The following GNPNAT1 variants were observed in gnomAD, a reference collection of about 807,000 sequenced individuals.
GNPNAT1 encodes the protein glucosamine 6-phosphate N-acetyltransferase.
A neutral mutation model predicts 19.8 loss-of-function variants in GNPNAT1; 11 were observed. The observed-to-expected ratio is 0.56, with a 90% CI of 0.35 to 0.92. GNPNAT1 has a LOEUF of 0.92. Ranked by LOEUF, GNPNAT1 falls within the 40% of genes least tolerant of loss-of-function variation. The pLI, the probability that GNPNAT1 is intolerant of heterozygous loss-of-function variation, is 0.01. For synonymous variants in GNPNAT1, 71 were observed against 72.3 expected (o/e 0.98, Z 0.09); for missense variants, 157 against 211.0 (o/e 0.74, Z 1.59).
intron 1 of GNPNAT1, among the ~76,000 whole-genome samples, chr14:52,787,613 A>G (rs1883051872): frequency 6.6e-6 from 1 of 152,116 alleles, no homozygotes. Context: ...CTGGTGTTCA[A>G]ATGTCAACTG....
In GNPNAT1 at chr14:52,775,878, G is replaced by GTA. The variant is rs1239053678; in HGVS notation, c.*2432_*2433insTA. The GTA allele has an allele frequency of 6.6e-6, 1 of 152,196 alleles. No individual in the cohort carries two copies. Among genetic ancestry groups the GTA allele is most frequent in the Non-Finnish European group, 1.5e-5 (1 of 68,202 alleles). The allele number at this position is 152,196 out of a possible 1,614,324, so 9.4% of individuals were successfully genotyped here. ...AGCCTGGGTGATGGAGTGGGACAGT[G>GTA]TCTCTTTAAAAAATGTGGGCCAGGT... On this transcript the variant is annotated 3_prime_UTR_variant, in exon 6 of 6. Coordinates refer to ENST00000216410, the MANE Select transcript of GNPNAT1 (RefSeq NM_198066.4).
At chr14:52,783,004 G>A (rs1170848449) in intron 3 of GNPNAT1, among the ~76,000 whole-genome samples, 2 of 152,014 alleles carry the variant, frequency 1.3e-5, no homozygotes, top group Non-Finnish European at 2.9e-5. Context: ...AGGGGCAGGG[G>A]ACGGGTGGAC....
At chr14:52,779,951 C>A (rs1339779897) in intron 5 of GNPNAT1, among the ~76,000 whole-genome samples, 1 of 151,950 alleles carries the variant, frequency 6.6e-6, no homozygotes, top group Non-Finnish European at 1.5e-5. Context: ...CTTTGGGAGG[C>A]CAAGGCAGGA....
chr14:52,790,504 C>A (rs563548524), intron 1 of GNPNAT1, among the ~76,000 whole-genome samples: 13 of 152,212 alleles, frequency 8.5e-5, no homozygotes, highest in African/African-American at 2.6e-4. Context: ...ATAGTTTGAC[C>A]TTTACAATCT....
chr14:52,780,233 A>G (rs1882860043), intron 5 of GNPNAT1, among the ~76,000 whole-genome samples: 1 of 152,208 alleles, frequency 6.6e-6, no homozygotes, highest in Non-Finnish European at 1.5e-5. Flanking sequence ...CAATAAATCA[A>G]TACCACTTAT....
rs531180943 is a variant in GNPNAT1, at chr14:52,785,984, C to T, written c.-14-1320G>A. Reference sequence around the variant, plus strand: ...CAGGCTGGTCTCAAATTCCTGACCTCGGGTGATTCGCCTGCCTCAGCCTCC... The same window carrying T: ...CAGGCTGGTCTCAAATTCCTGACCTTGGGTGATTCGCCTGCCTCAGCCTCC... On this transcript the variant is annotated intron_variant, in intron 1 of 5. Transcript: ENST00000216410. Among the ~76,000 whole-genome samples the T allele has an allele frequency of 5.7e-4, 84 of 148,324 alleles. 1 individual carries two copies. The highest frequency in any genetic ancestry group is 1.9e-3 in the African/African-American group (76 of 40,698).
intron 3 of GNPNAT1, among the ~76,000 whole-genome samples, chr14:52,782,694 G>A (rs1207500100): frequency 6.9e-6 from 1 of 145,514 alleles, no homozygotes; most frequent in Non-Finnish European, 1.5e-5. Flanking sequence ...GAAATTCAGT[G>A]AATGAAAATA....
At chr14:52,780,826 G>GA in intron 4 of GNPNAT1, 86 bp from the exon 5 acceptor site, 1 of 781,228 alleles carries the variant, frequency 1.3e-6, no homozygotes, top group Non-Finnish European at 2.2e-6. Flanking sequence ...CTGATAATAA[G>GA]TAGTATATTT....
At position 52,779,745 on chromosome 14, in the gene GNPNAT1, A is replaced by AAC. The variant is rs1555361271; in HGVS notation, c.407+933_407+934insGT. ...CTCTTAAAAAAAAAAAAAAAAAAAA[A>AAC]AAAAACATAAATTATATAGACTAGA... is the stretch of plus-strand genomic sequence containing the variant. On this transcript the variant is annotated intron_variant, in intron 5 of 5. Coordinates refer to ENST00000216410, the MANE Select transcript of GNPNAT1 (RefSeq NM_198066.4). Among the ~76,000 whole-genome samples, 3 of 150,940 alleles carry AAC rather than the reference A, an allele frequency of 2.0e-5. 1 individual carries two copies. Among genetic ancestry groups the AAC allele is most frequent in the Non-Finnish European group, 4.4e-5 (3 of 67,710 alleles).
Position 52,778,428 on chromosome 14 carries a change from C to T in GNPNAT1, c.438G>A (p.Lys146=). 6.2e-7 allele frequency: 1 copy of T among 1,608,630 alleles called. No homozygotes were observed. The highest frequency in any genetic ancestry group is 8.5e-7 in the Non-Finnish European group (1 of 1,178,488). ...GGGTAATCTTGTAACAGTTCAGTTT[C>T]TTGCTTAGCAAAGTAAGGGTTGATA... ...LLLSTLTLLS[K]KLNCYKITLE... is the part of the protein sequence containing the mutation. The change falls in exon 6 of 6, where the codon AAG becomes AAA. Residue 146 remains lysine, a synonymous_variant. Coordinates refer to ENST00000216410, the MANE Select transcript of GNPNAT1 (RefSeq NM_198066.4).
chr14:52,781,967 C>A, intron 3 of GNPNAT1, 56 bp from the exon 4 acceptor site: 2 of 1,473,564 alleles, frequency 1.4e-6, no homozygotes, highest in South Asian at 1.3e-5. Flanking sequence ...TTATGGGGAG[C>A]CAGAAAAATA....
rs369221433 is a variant in GNPNAT1 at position 52,775,476 on chromosome 14, T to C, written c.*2835A>G. The C allele has an allele frequency of 6.6e-6, 1 of 152,172 alleles. No individual in the cohort carries two copies. The highest frequency in any genetic ancestry group is 2.4e-5 in the African/African-American group (1 of 41,448). 9.4% of individuals were successfully genotyped at this position (152,172 alleles called of 1,614,324 possible). A position where few individuals can be genotyped will look rare whatever the true frequency, so the allele number is the denominator to read the frequency against. The stretch of plus-strand genomic sequence containing the variant: ...AAACTATGATAAACCATTGATAATA[T>C]ATCCAGATTTCAGAGATGTTACAGT... On this transcript the variant is annotated 3_prime_UTR_variant, in exon 6 of 6. Coordinates refer to ENST00000216410, the MANE Select transcript of GNPNAT1 (RefSeq NM_198066.4).
At chr14:52,786,059 C>CTTTT (rs139721043) in intron 1 of GNPNAT1, among the ~76,000 whole-genome samples, 10 of 133,546 alleles carry the variant, frequency 7.5e-5, no homozygotes, top group African/African-American at 2.8e-4. Flanking sequence ...CCACATGTAG[C>CTTTT]TTTTTTTTTT....
At position 52,784,564 on chromosome 14, in the gene GNPNAT1, G is replaced by T. The variant is rs776299427; in HGVS notation, c.87C>A (p.Ala29=). ...CTTCTCCAGGATGTGTTGGGGAAAT[G>T]GCTGGAGAAAATGTAGCTGTATTCT... The part of the protein sequence containing the change: ...WSQNTATFSP[A]ISPTHPGEGL... Residue 29 remains alanine, a synonymous_variant, in exon 2 of 6, where the codon GCC becomes GCA. Coordinates refer to ENST00000216410, the MANE Select transcript of GNPNAT1 (RefSeq NM_198066.4). The T allele has an allele frequency of 6.2e-7, 1 of 1,609,796 alleles. No homozygotes were observed. The highest frequency in any genetic ancestry group is 8.5e-7 in the Non-Finnish European group (1 of 1,178,002).
chr14:52,786,638 G>A lies in GNPNAT1; in HGVS notation c.-14-1974C>T, dbSNP rs771847590. Among the ~76,000 whole-genome samples, 16 of 152,032 alleles carry A rather than the reference G, an allele frequency of 1.1e-4. 1 individual carries two copies. The highest frequency in any genetic ancestry group is 2.1e-4 in the South Asian group (1 of 4,828). Reference sequence around the variant, plus strand: ...CCCTCTTTTTTGAACATTTAGAAATGAGCAGGTTCTCACTAGTTGTAATGT... The same window carrying A: ...CCCTCTTTTTTGAACATTTAGAAATAAGCAGGTTCTCACTAGTTGTAATGT... On this transcript the variant is annotated intron_variant, in intron 1 of 5. Coordinates refer to ENST00000216410, the MANE Select transcript of GNPNAT1 (RefSeq NM_198066.4).
rs1883160242 is a variant in GNPNAT1 at position 52,791,023 on chromosome 14, GA to G, written c.-15+404del. On this transcript the variant is annotated intron_variant, in intron 1 of 5. Transcript: ENST00000216410. This position sits in a 1 kb window ranked among gnomAD's most constrained non-coding sequence, Gnocchi z 4.1. ...TCCGACCACCGTGGGATGCGCCCGGGAATGGGAGAAGAGAAGGGGCCTGGGA... is the reference window on the plus strand; with the variant it reads ...TCCGACCACCGTGGGATGCGCCCGGGATGGGAGAAGAGAAGGGGCCTGGGA... 6.6e-6 allele frequency among the ~76,000 whole-genome samples: 1 copy of G among 152,118 alleles called. No individual in the cohort carries two copies. Among genetic ancestry groups the G allele is most frequent in the African/African-American group, 2.4e-5 (1 of 41,432 alleles).
At chr14:52,780,039 T>C (rs1009350560) in intron 5 of GNPNAT1, among the ~76,000 whole-genome samples, 1 of 152,004 alleles carries the variant, frequency 6.6e-6, no homozygotes, top group Non-Finnish European at 1.5e-5. Flanking sequence ...AGGTGTGGCG[T>C]GTACCTGTAG....
intron 1 of GNPNAT1, among the ~76,000 whole-genome samples, chr14:52,789,170 C>G (rs1234462716): frequency 6.6e-6 from 1 of 152,170 alleles, no homozygotes; most frequent in Non-Finnish European, 1.5e-5. Flanking sequence ...ACACAGGGCC[C>G]TGCACTTAAG....
At chr14:52,782,954 ATCTC>A (rs1882927863) in intron 3 of GNPNAT1, among the ~76,000 whole-genome samples, 2 of 152,032 alleles carry the variant, frequency 1.3e-5, no homozygotes, top group Admixed American at 1.3e-4. Flanking sequence ...AAGTCTTTGG[ATCTC>A]TCTAAATTCC....
Sources: allele counts gnomAD v4.1 joint callset (sites outside exome capture counted in the v4.1 genomes callset), GRCh38; gene constraint gnomAD v4.1.1; non-coding constraint Gnocchi (gnomAD v3.1); transcripts MANE v1.5; gene names NCBI Gene and HGNC (gene_info 2026-07-23, HGNC 2026-07-21).